DNAH11: variants seen among roughly 807,000 people sequenced by gnomAD.
DNAH11 encodes dynein axonemal heavy chain 11, also known as axonemal beta dynein heavy chain 11.
DNAH11 carries 442 observed loss-of-function variants against 526.0 expected under a neutral mutation model. That is an observed-to-expected ratio of 0.84 (90% CI 0.78 to 0.91). The LOEUF is 0.91. DNAH11 is among the 40% of genes least tolerant of loss of function. The pLI is 0.00. For missense variants in DNAH11, 6,989 were observed against 5,448.7 expected (o/e 1.28, Z -8.90); for synonymous variants, 2,461 against 1,935.9 (o/e 1.27, Z -7.12).
rs566881130 is a variant in DNAH11 at position 21,744,514 on chromosome 7, G to A, written c.8231G>A (p.Arg2744His). ...LIHLWLHESARVYGDKLIDKK... is the reference protein window; with the variant it reads ...LIHLWLHESAHVYGDKLIDKK... The stretch of plus-strand genomic sequence containing the variant: ...CATCTGTGGCTTCATGAATCTGCCC[G>A]TGTTTATGGAGACAAACTGATAGAC... Residue 2744 changes from arginine to histidine, a missense_variant, in exon 50 of 82, where the codon CGT becomes CAT. By Grantham distance (29) the Arg-to-His change is conservative. Coordinates refer to ENST00000409508, the MANE Select transcript of DNAH11 (RefSeq NM_001277115.2). 8.7e-6 allele frequency: 14 copies of A among 1,613,728 alleles called. No homozygotes were observed. The highest frequency in any genetic ancestry group is 4.5e-5 in the East Asian group (2 of 44,884).
chr7:21,667,323 C>T (rs991515808), intron 30 of DNAH11, among the ~76,000 whole-genome samples: 2 of 152,046 alleles, frequency 1.3e-5, no homozygotes, highest in African/African-American at 4.8e-5. Flanking sequence ...CCTACTTTTT[C>T]TGGGAAGAAT....
intron 76 of DNAH11, among the ~76,000 whole-genome samples, chr7:21,890,120 CA>C (rs1479776878): frequency 6.6e-6 from 1 of 152,190 alleles, no homozygotes; most frequent in East Asian, 1.9e-4. Context: ...CTTATGGCCA[CA>C]ACCATTAGGT....
At chr7:21,895,870 C>T (rs1459910324) in intron 79 of DNAH11, among the ~76,000 whole-genome samples, 1 of 152,172 alleles carries the variant, frequency 6.6e-6, no homozygotes, top group Non-Finnish European at 1.5e-5. Context: ...GCTGGGACTA[C>T]AGGCGCCCGC....
At chr7:21,796,123 A>G (rs1788706232) in intron 61 of DNAH11, among the ~76,000 whole-genome samples, 1 of 152,222 alleles carries the variant, frequency 6.6e-6, no homozygotes, top group African/African-American at 2.4e-5. Context: ...AGGCCAGAAT[A>G]TACTAAGCTC....
chr7:21,678,618 G>T (rs1178097135), intron 30 of DNAH11, among the ~76,000 whole-genome samples: 2 of 151,792 alleles, frequency 1.3e-5, no homozygotes, highest in Non-Finnish European at 2.9e-5. Flanking sequence ...TCTTGATGCA[G>T]TTGAATTAAG....
intron 12 of DNAH11, among the ~76,000 whole-genome samples, chr7:21,589,963 G>A (rs1341035738): frequency 1.3e-5 from 2 of 151,626 alleles, no homozygotes; most frequent in African/African-American, 4.8e-5. Flanking sequence ...TTAAATTGAT[G>A]GTAATTTTAA....
At chr7:21,620,146 A>G (rs1014733937) in intron 25 of DNAH11, 68 bp downstream of exon 25, 1 of 1,276,168 alleles carries the variant, frequency 7.8e-7, no homozygotes, top group Middle Eastern at 2.0e-4. Flanking sequence ...TTGTATATAT[A>G]GGGTACCATG....
intron 18 of DNAH11, among the ~76,000 whole-genome samples, chr7:21,604,034 G>C (rs2128448088): frequency 6.6e-6 from 1 of 152,224 alleles, no homozygotes; most frequent in East Asian, 1.9e-4. Flanking sequence ...GTATTTGGAG[G>C]GTAACGAGGC....
chr7:21,676,618 T>C (rs145032254), intron 30 of DNAH11, among the ~76,000 whole-genome samples: 1 of 152,336 alleles, frequency 6.6e-6, no homozygotes, highest in East Asian at 1.9e-4. Context: ...TCATCTTCCA[T>C]TTGACTGCAC....
chr7:21,823,402 C>T (rs946405353), intron 65 of DNAH11, among the ~76,000 whole-genome samples: 2 of 152,108 alleles, frequency 1.3e-5, no homozygotes, highest in Non-Finnish European at 2.9e-5. Context: ...GATAATCCCC[C>T]CTCCTGTGAT....
chr7:21,881,164 A>G (rs1783911487), intron 75 of DNAH11, among the ~76,000 whole-genome samples: 1 of 152,222 alleles, frequency 6.6e-6, no homozygotes, highest in South Asian at 2.1e-4. Flanking sequence ...GTTAACAAAA[A>G]CAGTGGTTTA....
At chr7:21,830,387 G>A (rs1462036581) in intron 65 of DNAH11, among the ~76,000 whole-genome samples, 2 of 152,208 alleles carry the variant, frequency 1.3e-5, no homozygotes, top group Non-Finnish European at 2.9e-5. Flanking sequence ...AACAAGGACA[G>A]AGTTTCTGAC....
chr7:21,546,800 GC>G (rs1439472617), intron 2 of DNAH11, among the ~76,000 whole-genome samples: 2 of 152,134 alleles, frequency 1.3e-5, no homozygotes, highest in Non-Finnish European at 2.9e-5. Flanking sequence ...CAATATCTGG[GC>G]CCCATCCTTG....
intron 18 of DNAH11, among the ~76,000 whole-genome samples, chr7:21,602,311 CA>C (rs1175430000): frequency 6.6e-6 from 1 of 152,124 alleles, no homozygotes; most frequent in Non-Finnish European, 1.5e-5. Context: ...TGCACTCTAG[CA>C]TGGGGACAAA....
At chr7:21,607,801 G>A (rs1785355244) in intron 20 of DNAH11, among the ~76,000 whole-genome samples, 1 of 151,932 alleles carries the variant, frequency 6.6e-6, no homozygotes, top group Non-Finnish European at 1.5e-5. Flanking sequence ...TGCTGGGCAT[G>A]GTGGTGGGTG....
intron 63 of DNAH11, among the ~76,000 whole-genome samples, 151 bp downstream of exon 63, chr7:21,808,200 T>A (rs1789357409): frequency 6.6e-6 from 1 of 152,180 alleles, no homozygotes; most frequent in Non-Finnish European, 1.5e-5. Context: ...GTGCTGCAGT[T>A]TTTCTTATTT....
chr7:21,751,508 A>C (rs1786410990), intron 54 of DNAH11, among the ~76,000 whole-genome samples: 1 of 152,186 alleles, frequency 6.6e-6, no homozygotes, highest in Non-Finnish European at 1.5e-5. Context: ...CAATTTAAGA[A>C]TGCTGCTAGG....
intron 35 of DNAH11, among the ~76,000 whole-genome samples, chr7:21,697,558 G>A (rs1168111116): frequency 6.6e-6 from 1 of 152,098 alleles, no homozygotes; most frequent in Admixed American, 6.5e-5. Context: ...TGGTATTTAT[G>A]CTCTTGAGGT....
At position 21,544,964 on chromosome 7, in the gene DNAH11, A is replaced by G. The variant is rs775310178; in HGVS notation, c.352-42A>G. On this transcript the variant is annotated intron_variant, in intron 1 of 81. Transcript: ENST00000409508. ...TGGATATAGTAAATCCTGCTTGTTA[A>G]CAAGAAAACTACTTGAACTAATTAT... The G allele has an allele frequency of 1.1e-5, 16 of 1,501,098 alleles. No individual in the cohort carries two copies. The South Asian group carries it at 2.0e-4, about 18-fold the overall frequency. The allele number at this position is 1,501,098 out of a possible 1,614,324, so 93.0% of individuals were successfully genotyped here.
Sources: allele counts gnomAD v4.1 joint callset (sites outside exome capture counted in the v4.1 genomes callset), GRCh38; gene constraint gnomAD v4.1.1; transcripts MANE v1.5; gene names NCBI Gene and HGNC (gene_info 2026-07-23, HGNC 2026-07-21).